The following CC2D2B variants were observed in gnomAD, a reference collection of about 807,000 sequenced individuals.
CC2D2B encodes coiled-coil and C2 domain containing 2B.
Under a neutral mutation model 161.2 loss-of-function variants are expected in CC2D2B, and 128 were observed. The observed-to-expected ratio is 0.79, with a 90% CI of 0.69 to 0.92. CC2D2B has a LOEUF of 0.92. Ranked by LOEUF, CC2D2B falls within the 40% of genes least tolerant of loss-of-function variation. The probability of loss-of-function intolerance (pLI) is 0.00; values close to 1 mark genes in which losing one functional copy is unlikely to be tolerated. For missense variants in CC2D2B, 1,173 were observed against 1,375.1 expected, an observed-to-expected ratio of 0.85 and a Z score of 2.32; for synonymous variants, 391 against 449.8, an observed-to-expected ratio of 0.87 and a Z score of 1.65.
At chr10:95,965,824 G>GTGTGTGTTT in intron 12 of CC2D2B, 72 bp from the exon 13 acceptor site, 1 of 322,862 alleles carries the variant, frequency 3.1e-6, no homozygotes. Flanking sequence ...TGTGTGTGTT[G>GTGTGTGTTT]GCAAAATCTC....
chr10:95,942,064 C>T (rs552717231), intron 9 of CC2D2B, among the ~76,000 whole-genome samples: 1 of 152,078 alleles, frequency 6.6e-6, no homozygotes, highest in Non-Finnish European at 1.5e-5. Flanking sequence ...ATAAGTCAAT[C>T]ACAGAAGAAC....
intron 2 of CC2D2B, among the ~76,000 whole-genome samples, chr10:95,914,968 G>C (rs1420346489): frequency 6.6e-6 from 1 of 152,138 alleles, no homozygotes; most frequent in Non-Finnish European, 1.5e-5. Flanking sequence ...TTGGTATTTT[G>C]ATAGGGATTG....
intron 6 of CC2D2B, among the ~76,000 whole-genome samples, chr10:95,933,085 A>G (rs1359184941): frequency 6.6e-6 from 1 of 151,710 alleles, no homozygotes. Flanking sequence ...ATTTCTTTTC[A>G]TTCTTTTTTC....
chr10:95,953,335 G>A (rs2076465577), intron 10 of CC2D2B, among the ~76,000 whole-genome samples: 1 of 152,032 alleles, frequency 6.6e-6, no homozygotes, highest in Non-Finnish European at 1.5e-5. Context: ...CCAAGTAGCT[G>A]GGACTACAGG....
chr10:96,032,019 G>A lies in CC2D2B; in HGVS notation c.*11G>A, dbSNP rs771840653. ...GTTCAACATCAATGAAAAGGAAGCA[G>A]AGCAAAGTAAAAGATTGTACTATAG... On this transcript the variant is annotated 3_prime_UTR_variant, in exon 35 of 35. Coordinates refer to ENST00000646931, the MANE Select transcript of CC2D2B (RefSeq NM_001349008.3). 4.1e-5 allele frequency: 66 copies of A among 1,604,596 alleles called. No individual in the cohort carries two copies. Among genetic ancestry groups the A allele is most frequent in the Non-Finnish European group, 5.1e-5 (60 of 1,173,278 alleles).
In CC2D2B at chr10:96,017,165, T is replaced by G. The variant is rs183696071; in HGVS notation, c.3630+851T>G. Among the ~76,000 whole-genome samples the G allele has an allele frequency of 3.8e-3, 584 of 152,364 alleles. 6 individuals are homozygous for G. Among genetic ancestry groups the G allele is most frequent in the African/African-American group, 0.013 (530 of 41,580 alleles). Reference sequence around the variant, plus strand: ...ATGTTTACAGCTTAATTTATATGCTTCTTCTACATTTGTACCACCAGAAAG... The same window carrying G: ...ATGTTTACAGCTTAATTTATATGCTGCTTCTACATTTGTACCACCAGAAAG... On this transcript the variant is annotated intron_variant, in intron 30 of 34. Coordinates refer to ENST00000646931, the MANE Select transcript of CC2D2B (RefSeq NM_001349008.3).
In CC2D2B at chr10:95,961,635, G is replaced by T. The variant is rs900005376; in HGVS notation, c.1110-194G>T. The T allele has an allele frequency of 2.4e-5, 9 of 371,348 alleles. No individual in the cohort carries two copies. In the Admixed American group the frequency reaches 2.8e-4, roughly 11 times the overall value. The allele number at this position is 371,348 out of a possible 1,614,324, so 23.0% of individuals were successfully genotyped here. A position where few individuals can be genotyped will look rare whatever the true frequency, so the allele number is the denominator to read the frequency against. ...TAGTGAAAAGCCATTAAGTCATAAA[G>T]GAACAAATTTCTAATGGAATTGCAG... On this transcript the variant is annotated intron_variant, in intron 11 of 34. Coordinates refer to ENST00000646931, the MANE Select transcript of CC2D2B (RefSeq NM_001349008.3).
rs1320483503 is a variant in CC2D2B at position 95,961,832 on chromosome 10, T to C, written c.1113T>C (p.Asn371=). Residue 371 remains asparagine (N), a synonymous_variant, in exon 12 of 35, where the codon AAT becomes AAC. Coordinates refer to ENST00000646931, the MANE Select transcript of CC2D2B (RefSeq NM_001349008.3). ...SLQDYYWQIS[N]TKQMYDLERG... is the part of the protein sequence containing the mutation. Reference sequence around the variant, plus strand: ...TGCTCTGCCATTTTTGTTGTAGTAATACAAAACAGATGTATGACTTAGAAA... The same window carrying C: ...TGCTCTGCCATTTTTGTTGTAGTAACACAAAACAGATGTATGACTTAGAAA... The C allele has an allele frequency of 8.1e-7, 1 of 1,231,366 alleles. No individual in the cohort carries two copies. The allele number at this position is 1,231,366 out of a possible 1,614,324, so 76.3% of individuals were successfully genotyped here. A position where few individuals can be genotyped will look rare whatever the true frequency, so the allele number is the denominator to read the frequency against.
intron 9 of CC2D2B, among the ~76,000 whole-genome samples, chr10:95,941,280 T>C (rs1040175248): frequency 3.3e-5 from 5 of 152,138 alleles, no homozygotes; most frequent in Admixed American, 3.3e-4. Flanking sequence ...ACATCGTTCT[T>C]GGCAGTGGTT....
intron 24 of CC2D2B, among the ~76,000 whole-genome samples, chr10:96,003,874 C>T (rs2078634751): frequency 6.6e-6 from 1 of 152,124 alleles, no homozygotes; most frequent in Non-Finnish European, 1.5e-5. Flanking sequence ...ATACAATACT[C>T]CAAAGAATCT....
intron 9 of CC2D2B, among the ~76,000 whole-genome samples, chr10:95,945,777 C>CTTTTTTTTT: frequency 1.2e-5 from 1 of 81,124 alleles, no homozygotes; most frequent in Non-Finnish European, 2.4e-5. Flanking sequence ...TAATGTTGGA[C>CTTTTTTTTT]TTTTTTTTTT....
intron 6 of CC2D2B, among the ~76,000 whole-genome samples, chr10:95,937,117 C>A (rs1461397209): frequency 3.3e-5 from 5 of 152,066 alleles, no homozygotes; most frequent in African/African-American, 1.2e-4. Context: ...TTTATATGAA[C>A]CTAGTGGATG....
Position 95,983,848 on chromosome 10 carries a change from A to G in CC2D2B, c.2286+39A>G, listed in dbSNP as rs1347390685. 8 of 941,280 alleles carry G rather than the reference A, an allele frequency of 8.5e-6. No individual in the cohort carries two copies. In the African/African-American group the frequency reaches 1.4e-4, roughly 16 times the overall value. 58.3% of individuals were successfully genotyped at this position (941,280 alleles called of 1,614,324 possible). The stretch of plus-strand genomic sequence containing the variant: ...ATTTGAATATGGCTTATTGTATGAT[A>G]AAGTTAACGTTTTGCTGCTTTAACC... On this transcript the variant is annotated intron_variant, in intron 19 of 34. Transcript: ENST00000646931.
In CC2D2B at chr10:95,961,846, A is replaced by G. The variant is rs1346377254; in HGVS notation, c.1127A>G (p.Tyr376Cys). 2.4e-6 allele frequency: 3 copies of G among 1,231,604 alleles called. No individual in the cohort carries two copies. The African/African-American group carries it at 4.7e-5, about 19-fold the overall frequency. 76.3% of individuals were successfully genotyped at this position (1,231,604 alleles called of 1,614,324 possible). A position where few individuals can be genotyped will look rare whatever the true frequency, so the allele number is the denominator to read the frequency against. ...YWQISNTKQMYDLERGKDLSL... is the reference protein window; with the variant it reads ...YWQISNTKQMCDLERGKDLSL... ...TGTTGTAGTAATACAAAACAGATGT[A>G]TGACTTAGAAAGGGGAAAGGACCTC... is the stretch of plus-strand genomic sequence containing the variant. Residue 376 changes from tyrosine to cysteine, a missense_variant, in exon 12 of 35, where the codon TAT becomes TGT. Physicochemically the swap from Tyr to Cys is radical, Grantham distance 194 (BLOSUM62 -2). Around this residue, in one of 3 missense-constraint regions of CC2D2B, gnomAD observed 298 missense variants for 261.2 expected, o/e 1.14. Transcript: ENST00000646931.
At chr10:95,943,341 T>C (rs1021726322) in intron 9 of CC2D2B, among the ~76,000 whole-genome samples, 1 of 152,186 alleles carries the variant, frequency 6.6e-6, no homozygotes, top group Non-Finnish European at 1.5e-5. Flanking sequence ...CTTCTGAATA[T>C]TGATGATTTG....
At chr10:95,930,673 A>G (rs2098548420) in intron 6 of CC2D2B, among the ~76,000 whole-genome samples, 1 of 152,198 alleles carries the variant, frequency 6.6e-6, no homozygotes, top group African/African-American at 2.4e-5. Flanking sequence ...GGTTCTGTTT[A>G]CGTGATGGAT....
intron 17 of CC2D2B, among the ~76,000 whole-genome samples, chr10:95,976,745 C>T (rs2077328478): frequency 6.6e-6 from 1 of 152,126 alleles, no homozygotes; most frequent in Non-Finnish European, 1.5e-5. Context: ...TCTCAGAAAG[C>T]TTTGATGCTT....
chr10:96,005,008 T>C (rs7923326), intron 25 of CC2D2B, among the ~76,000 whole-genome samples: 74,193 of 151,926 alleles, frequency 0.49, 18,604 homozygotes, highest in East Asian at 0.82. Flanking sequence ...GTTTTCCAAC[T>C]CAGTTTTCCA....
chr10:95,996,278 G>A, intron 24 of CC2D2B, 26 bp downstream of exon 24: 1 of 1,022,734 alleles, frequency 9.8e-7, no homozygotes, highest in Non-Finnish European at 1.4e-6. Context: ...TTTTTCCATA[G>A]CTCCTAAAAA....
Sources: gnomAD v4.1 joint callset for allele counts (sites outside exome capture counted in the v4.1 genomes callset) on GRCh38, gnomAD v4.1.1 for gene constraint, gnomAD v4.1.1 regional missense constraint, MANE v1.5 for transcripts, NCBI Gene and HGNC (gene_info 2026-07-23, HGNC 2026-07-21) for gene names.